Variants in PABPC4L observed in about 807,000 individuals in gnomAD.
The protein encoded by PABPC4L is poly(A) binding protein cytoplasmic 4 like, also known as polyadenylate-binding protein 4-like.
For synonymous variants in PABPC4L, 169 were observed against 164.1 expected (o/e 1.03, Z -0.23); for missense variants, 452 against 451.4 (o/e 1.00, Z -0.01).
At chr4:133,961,946 T>A in the PABPC4L span, among the ~76,000 whole-genome samples, 2 of 152,072 alleles carry the variant, frequency 1.3e-5, no homozygotes, top group African/African-American at 2.4e-5. Context: ...TTCCTTGGAA[T>A]CCATGAGGCC....
the PABPC4L span, among the ~76,000 whole-genome samples, chr4:133,963,871 A>G: frequency 3.9e-5 from 6 of 152,236 alleles, no homozygotes; most frequent in South Asian, 1.2e-3. Flanking sequence ...ACATCAAAAG[A>G]CTGAAAAAGC....
At chr4:134,031,225 C>T in the PABPC4L span, among the ~76,000 whole-genome samples, 105 of 152,002 alleles carry the variant, frequency 6.9e-4, no homozygotes, top group African/African-American at 2.3e-3. Context: ...GGAAGGAGTC[C>T]GCCATAAACT....
chr4:134,007,569 G>T, the PABPC4L span, among the ~76,000 whole-genome samples: 1 of 151,366 alleles, frequency 6.6e-6, no homozygotes, highest in Non-Finnish European at 1.5e-5. Context: ...ATGTAATAAG[G>T]TTAAATAGCC....
chr4:134,159,633 T>C, the PABPC4L span, among the ~76,000 whole-genome samples: 917 of 152,214 alleles, frequency 6.0e-3, 5 homozygotes, highest in Non-Finnish European at 0.01. Flanking sequence ...TGAGGAAACA[T>C]GAGTCTCAGC....
At chr4:134,086,693 CGATTCTGCA>C in the PABPC4L span, among the ~76,000 whole-genome samples, 10 of 150,866 alleles carry the variant, frequency 6.6e-5, no homozygotes, top group Non-Finnish European at 1.5e-4. Flanking sequence ...AGGAATCCTA[CGATTCTGCA>C]GAGCAAAGCT....
the PABPC4L span, among the ~76,000 whole-genome samples, chr4:133,959,981 G>T: frequency 6.6e-6 from 1 of 152,112 alleles, no homozygotes; most frequent in South Asian, 2.1e-4. Context: ...CTGTTTATAT[G>T]TGTTTATCAA....
the PABPC4L span, among the ~76,000 whole-genome samples, chr4:134,089,835 C>T: frequency 5.3e-5 from 8 of 151,952 alleles, no homozygotes; most frequent in African/African-American, 1.9e-4. Context: ...GAACCATGCC[C>T]CTGTGTATAA....
the PABPC4L span, among the ~76,000 whole-genome samples, chr4:134,061,084 G>C: frequency 9.9e-5 from 15 of 152,032 alleles, 1 homozygote; most frequent in African/African-American, 3.1e-4. Flanking sequence ...AGTATAATTG[G>C]ATTGTCTGTA....
At chr4:133,986,974 G>T in the PABPC4L span, among the ~76,000 whole-genome samples, 1 of 152,084 alleles carries the variant, frequency 6.6e-6, no homozygotes, top group Non-Finnish European at 1.5e-5. Context: ...GACCTCAGGT[G>T]ATCTACCCGA....
At chr4:133,999,659 A>G in the PABPC4L span, among the ~76,000 whole-genome samples, 6 of 151,956 alleles carry the variant, frequency 3.9e-5, no homozygotes, top group South Asian at 2.1e-4. Context: ...CTATGAGCTT[A>G]TTTTTAGTGC....
At chr4:134,157,736 CCTT>C in the PABPC4L span, among the ~76,000 whole-genome samples, 1 of 151,674 alleles carries the variant, frequency 6.6e-6, no homozygotes, top group Non-Finnish European at 1.5e-5. Flanking sequence ...ATCAGTGCAT[CCTT>C]CTATTTTTAT....
the PABPC4L span, among the ~76,000 whole-genome samples, chr4:133,988,134 A>G: frequency 2.0e-5 from 3 of 152,132 alleles, no homozygotes; most frequent in Admixed American, 2.0e-4. Context: ...GTAACTACAC[A>G]ATTCAAGATG....
chr4:134,072,529 A>C, the PABPC4L span, among the ~76,000 whole-genome samples: 1 of 152,222 alleles, frequency 6.6e-6, no homozygotes, highest in African/African-American at 2.4e-5. Context: ...AACAACCTGC[A>C]AGTAGGGAAG....
At chr4:134,025,728 AAAT>A in the PABPC4L span, among the ~76,000 whole-genome samples, 1 of 152,150 alleles carries the variant, frequency 6.6e-6, no homozygotes, top group East Asian at 1.9e-4. Flanking sequence ...ATCTCTTTTT[AAAT>A]AATTTTAACT....
the PABPC4L span, among the ~76,000 whole-genome samples, chr4:134,103,622 T>A: frequency 6.6e-6 from 1 of 151,738 alleles, no homozygotes; most frequent in African/African-American, 2.4e-5. Context: ...CACATTCTGA[T>A]GTACTGGGTA....
At chr4:134,112,238 T>C in the PABPC4L span, among the ~76,000 whole-genome samples, 2 of 151,968 alleles carry the variant, frequency 1.3e-5, no homozygotes, top group South Asian at 2.1e-4. Context: ...ATGAAATGAA[T>C]GAAGTAGCTA....
the PABPC4L span, among the ~76,000 whole-genome samples, chr4:134,100,023 G>A: frequency 6.6e-6 from 1 of 151,624 alleles, no homozygotes; most frequent in African/African-American, 2.4e-5. Context: ...GTGACAGATT[G>A]CTGTGAATGA....
At chr4:133,994,150 A>G in the PABPC4L span, among the ~76,000 whole-genome samples, 1 of 152,084 alleles carries the variant, frequency 6.6e-6, no homozygotes, top group African/African-American at 2.4e-5. Flanking sequence ...AAGTCATGAA[A>G]AAGTCTCCCT....
the PABPC4L span, among the ~76,000 whole-genome samples, chr4:134,101,481 T>C: frequency 6.6e-6 from 1 of 151,480 alleles, no homozygotes; most frequent in Non-Finnish European, 1.5e-5. Context: ...AGTTTTTTCC[T>C]TGGATTAATT....
Sources: allele counts gnomAD v4.1 joint callset (sites outside exome capture counted in the v4.1 genomes callset), GRCh38; gene constraint gnomAD v4.1.1; transcripts MANE v1.5; gene names NCBI Gene and HGNC (gene_info 2026-07-23, HGNC 2026-07-21).